The following CSMD1 variants were observed in gnomAD, a reference collection of about 807,000 sequenced individuals.
CSMD1 encodes CUB and sushi domain-containing protein 1.
Under a neutral mutation model 417.5 loss-of-function variants are expected in CSMD1, and 213 were observed. That is an observed-to-expected ratio of 0.51 (90% confidence interval 0.46 to 0.57). The LOEUF is 0.57. Among genes scored for constraint, CSMD1 ranks in the 20% least tolerant of loss-of-function variants. The pLI is 0.00. For synonymous variants in CSMD1, 2,862 were observed against 1,736.8 expected (o/e 1.65, Z -16.11); for missense variants, 6,923 against 4,529.7 (o/e 1.53, Z -15.17).
intron 1 of CSMD1, among the ~76,000 whole-genome samples, chr8:4,974,957 G>A (rs181204310): frequency 2.6e-5 from 4 of 152,310 alleles, no homozygotes; most frequent in Non-Finnish European, 1.5e-5. Flanking sequence ...TTCGACAATA[G>A]ATTCAAGTCG....
chr8:4,189,641 C>A (rs1163440456), intron 3 of CSMD1, among the ~76,000 whole-genome samples: 1 of 152,144 alleles, frequency 6.6e-6, no homozygotes, highest in South Asian at 2.1e-4. Flanking sequence ...GACCCTTCTA[C>A]TGATGTTCTA....
At chr8:2,948,972 T>G (rs1392815013) in intron 68 of CSMD1, among the ~76,000 whole-genome samples, 1 of 151,996 alleles carries the variant, frequency 6.6e-6, no homozygotes, top group Non-Finnish European at 1.5e-5. Context: ...TCTTACTTTT[T>G]TTTTTTACTT....
At chr8:4,503,231 A>C (rs1347741917) in intron 2 of CSMD1, among the ~76,000 whole-genome samples, 1 of 152,120 alleles carries the variant, frequency 6.6e-6, no homozygotes, top group Non-Finnish European at 1.5e-5. Context: ...ACAGCGTCAT[A>C]GTGTCTATGA....
At chr8:4,094,229 T>A (rs1246266941) in intron 3 of CSMD1, among the ~76,000 whole-genome samples, 1 of 152,052 alleles carries the variant, frequency 6.6e-6, no homozygotes, top group Non-Finnish European at 1.5e-5. Context: ...GCTGCCCTCG[T>A]AACCTGGACA....
At chr8:4,275,324 C>G (rs776794282) in intron 3 of CSMD1, among the ~76,000 whole-genome samples, 16 of 152,076 alleles carry the variant, frequency 1.1e-4, no homozygotes, top group Non-Finnish European at 2.4e-4. Context: ...AGGTATAAAG[C>G]TTCTGTGTTG....
At chr8:3,363,112 G>A (rs1809306714) in intron 20 of CSMD1, among the ~76,000 whole-genome samples, 1 of 152,160 alleles carries the variant, frequency 6.6e-6, no homozygotes, top group Admixed American at 6.5e-5. Flanking sequence ...TAAACTTGGT[G>A]TCTTGGTCCT....
At chr8:4,608,475 G>A (rs1398307102) in intron 2 of CSMD1, among the ~76,000 whole-genome samples, 1 of 152,218 alleles carries the variant, frequency 6.6e-6, no homozygotes, top group Non-Finnish European at 1.5e-5. Flanking sequence ...GAGAGACAGA[G>A]TGTCAAGAAA....
At chr8:4,123,160 T>A (rs144608947) in intron 3 of CSMD1, among the ~76,000 whole-genome samples, 185 of 152,362 alleles carry the variant, frequency 1.2e-3, no homozygotes, top group Admixed American at 2.5e-3. Context: ...CAGTCCATGC[T>A]GAGATGTTTT....
chr8:3,490,309 A>G (rs73658126), intron 11 of CSMD1, among the ~76,000 whole-genome samples: 39,525 of 152,030 alleles, frequency 0.26, 5,736 homozygotes, highest in Non-Finnish European at 0.32. Context: ...CGCTAATAAC[A>G]CTTCTGTCAA....
chr8:3,487,434 C>G (rs964787791), intron 11 of CSMD1, among the ~76,000 whole-genome samples: 1 of 152,132 alleles, frequency 6.6e-6, no homozygotes, highest in Non-Finnish European at 1.5e-5. Context: ...TTCTCCTGAC[C>G]TCGTGATCTG....
intron 4 of CSMD1, among the ~76,000 whole-genome samples, chr8:4,014,545 C>T (rs1006639696): frequency 4.6e-5 from 7 of 152,080 alleles, no homozygotes; most frequent in African/African-American, 4.8e-5. Flanking sequence ...TCCTAATAGC[C>T]GTTATTGGTA....
In CSMD1 at chr8:4,552,859, C is replaced by A. The variant is rs75882980; in HGVS notation, c.302+84483G>T. Among the ~76,000 whole-genome samples, 74 of 152,296 alleles carry A rather than the reference C, an allele frequency of 4.9e-4. No homozygotes were observed. The East Asian group carries it at 0.014, about 29-fold the overall frequency. ...GCTCTAGCTGGATGTTTGTGAAAATCTAGCTGAGAAGCTCTTCTTTTAAAC... is the reference window on the plus strand; with the variant it reads ...GCTCTAGCTGGATGTTTGTGAAAATATAGCTGAGAAGCTCTTCTTTTAAAC... On this transcript the variant is annotated intron_variant, in intron 2 of 69. Coordinates refer to ENST00000635120, the MANE Select transcript of CSMD1 (RefSeq NM_033225.6).
intron 1 of CSMD1, among the ~76,000 whole-genome samples, chr8:4,891,981 A>G (rs956017490): frequency 6.6e-6 from 1 of 152,106 alleles, no homozygotes; most frequent in East Asian, 1.9e-4. Context: ...CAAAAGAGGT[A>G]AGACCAAAAT....
In CSMD1 at chr8:4,819,961, T is replaced by C. The variant is rs146531541; in HGVS notation, c.85+174371A>G. ...TTGAAATATCTACTTATCAATCAAC[T>C]AATTGGTTTTATTGTAATTGGTAAA... On this transcript the variant is annotated intron_variant, in intron 1 of 69. Transcript: ENST00000635120. 9.1e-4 allele frequency among the ~76,000 whole-genome samples: 139 copies of C among 152,320 alleles called. 1 individual carries two copies. The highest frequency in any genetic ancestry group is 3.2e-3 in the African/African-American group (135 of 41,570).
At chr8:3,797,742 T>A (rs1448585316) in intron 5 of CSMD1, among the ~76,000 whole-genome samples, 1 of 151,970 alleles carries the variant, frequency 6.6e-6, no homozygotes, top group Non-Finnish European at 1.5e-5. Context: ...TACAAAATAT[T>A]TTGTGGACAC....
chr8:3,858,068 G>C (rs892973889), intron 5 of CSMD1, among the ~76,000 whole-genome samples: 2 of 152,216 alleles, frequency 1.3e-5, no homozygotes, highest in African/African-American at 4.8e-5. Flanking sequence ...TGTCTGTAAA[G>C]ATAGCAATTT....
At chr8:4,696,931 T>A (rs1474788546) in intron 1 of CSMD1, among the ~76,000 whole-genome samples, 1 of 152,186 alleles carries the variant, frequency 6.6e-6, no homozygotes, top group African/African-American at 2.4e-5. Context: ...CCCAGCACTT[T>A]AGGAGGCCGA....
At chr8:4,383,421 T>G (rs1468107898) in intron 3 of CSMD1, among the ~76,000 whole-genome samples, 1 of 152,208 alleles carries the variant, frequency 6.6e-6, no homozygotes, top group Non-Finnish European at 1.5e-5. Flanking sequence ...TCATTTCCGT[T>G]AAGTCCAGCC....
chr8:3,429,696 T>A (rs777966752), intron 12 of CSMD1, among the ~76,000 whole-genome samples: 2 of 152,236 alleles, frequency 1.3e-5, no homozygotes, highest in Non-Finnish European at 2.9e-5. Flanking sequence ...GCATAAAGTA[T>A]AACTTAATGA....
Sources: gnomAD v4.1 joint callset for allele counts (sites outside exome capture counted in the v4.1 genomes callset) on GRCh38, gnomAD v4.1.1 for gene constraint, MANE v1.5 for transcripts, NCBI Gene and HGNC (gene_info 2026-07-23, HGNC 2026-07-21) for gene names.